The following DOCK6 variants were observed in gnomAD, a reference collection of about 807,000 sequenced individuals.
DOCK6 encodes dedicator of cytokinesis 6, also known as dedicator of cytokinesis protein 6.
In DOCK6, 167 loss-of-function variants were observed where a neutral mutation model predicts 230.3. That is an observed-to-expected ratio of 0.73 (90% CI 0.64 to 0.82). The LOEUF (loss-of-function observed/expected upper bound fraction) is 0.82, where lower values mean the gene tolerates loss of function less well. DOCK6 is among the 40% of genes least tolerant of loss of function. DOCK6 has a pLI of 0.00. For missense variants in DOCK6, 2,598 were observed against 2,825.8 expected, an observed-to-expected ratio of 0.92 and a Z score of 1.83; for synonymous variants, 1,148 against 1,185.0, an observed-to-expected ratio of 0.97 and a Z score of 0.64.
At chr19:11,218,267 C>T (rs1224840911) in intron 28 of DOCK6, among the ~76,000 whole-genome samples, 1 of 152,110 alleles carries the variant, frequency 6.6e-6, no homozygotes, top group African/African-American at 2.4e-5. Flanking sequence ...GTGCCTCAGC[C>T]TCCCGAGTAG....
chr19:11,207,433 T>C (rs2079280879), intron 39 of DOCK6, among the ~76,000 whole-genome samples: 3 of 151,650 alleles, frequency 2.0e-5, no homozygotes, highest in African/African-American at 7.3e-5. Flanking sequence ...TGGCCTCAAG[T>C]GATCCTCCTG....
At position 11,228,867 on chromosome 19, in the gene DOCK6, G is replaced by T; in HGVS notation, c.2814+73C>A. 3 of 1,456,904 alleles carry T rather than the reference G, an allele frequency of 2.1e-6. No individual in the cohort carries two copies. The Admixed American group carries it at 5.3e-5, about 26-fold the overall frequency. The allele number at this position is 1,456,904 out of a possible 1,614,324, so 90.2% of individuals were successfully genotyped here. A position where few individuals can be genotyped will look rare whatever the true frequency, so the allele number is the denominator to read the frequency against. On this transcript the variant is annotated intron_variant, in intron 23 of 47. Coordinates refer to ENST00000294618, the MANE Select transcript of DOCK6 (RefSeq NM_020812.4). ...GTGAGCCACTATGCCTGGCCAGGGG[G>T]CTTCTCTCTTTAAAAAAGGAAGGGG...
chr19:11,219,009 G>C (rs1600883163), intron 28 of DOCK6, among the ~76,000 whole-genome samples: 1 of 148,590 alleles, frequency 6.7e-6, no homozygotes, highest in Non-Finnish European at 1.5e-5. Context: ...CTCCCAAGTA[G>C]CTGGGACTGC....
chr19:11,209,758 A>C (rs1475491511), intron 37 of DOCK6, among the ~76,000 whole-genome samples: 2 of 24,156 alleles, frequency 8.3e-5, no homozygotes, highest in African/African-American at 1.9e-4. Context: ...TCACCTGTCC[A>C]CCCCCTCACT....
chr19:11,239,938 G>C, intron 14 of DOCK6: 1 of 1,577,994 alleles, frequency 6.3e-7, no homozygotes, highest in South Asian at 1.2e-5. Flanking sequence ...GACTCAGGTG[G>C]GCACCGTAGC....
In DOCK6 at chr19:11,222,194, G is replaced by A; in HGVS notation, c.3295C>T (p.Leu1099=). 6.2e-7 allele frequency: 1 copy of A among 1,607,464 alleles called. No individual in the cohort carries two copies. Among genetic ancestry groups the A allele is most frequent in the South Asian group, 1.1e-5 (1 of 89,658 alleles). ...TGCTGCTGCCGGAATGGTCCACTCA[G>A]TTCGAACATGCTGGTCACCTTGGGG... The part of the protein sequence containing the change: ...PDPKVTSMFE[L]SGPFRQQHFL... Residue 1099 remains leucine (L), a synonymous_variant, in exon 27 of 48, where the codon CTG becomes TTG. Transcript: ENST00000294618. The surrounding 1 kb of genome is among the most constrained non-coding windows in gnomAD (Gnocchi z 4.0).
intron 35 of DOCK6, among the ~76,000 whole-genome samples, chr19:11,212,561 C>CTTTTT (rs1363586266): frequency 6.0e-5 from 6 of 100,094 alleles, no homozygotes; most frequent in African/African-American, 2.0e-4. Context: ...TTCTTTCTTT[C>CTTTTT]TTTCTTTTTT....
chr19:11,212,228 C>T lies in DOCK6; in HGVS notation c.4492-77G>A, dbSNP rs190832238. On this transcript the variant is annotated intron_variant, in intron 35 of 47. Transcript: ENST00000294618. The stretch of plus-strand genomic sequence containing the variant: ...CCACATCAGAGTCTGCTCAACCTGC[C>T]GACATGGCCCTTGCGTTCTTTATTT... 1.5e-5 allele frequency: 22 copies of T among 1,506,164 alleles called. No homozygotes were observed. In the East Asian group the frequency reaches 2.5e-4, roughly 17 times the overall value. 93.3% of individuals were successfully genotyped at this position (1,506,164 alleles called of 1,614,324 possible). A position where few individuals can be genotyped will look rare whatever the true frequency, so the allele number is the denominator to read the frequency against.
At position 11,200,163 on chromosome 19, in the gene DOCK6, A is replaced by C. The variant is rs979116419; in HGVS notation, c.6101+145T>G. On this transcript the variant is annotated intron_variant, in intron 47 of 47. Transcript: ENST00000294618. The surrounding 1 kb of genome is among the most constrained non-coding windows in gnomAD (Gnocchi z 4.3). ...GAGAGTCTCTCAAAAAAAAAAACAA[A>C]AAAAAAACCGGAAACAAAACAAAGT... is the stretch of plus-strand genomic sequence containing the variant. 110 of 922,652 alleles carry C rather than the reference A, an allele frequency of 1.2e-4. No individual in the cohort carries two copies. Among genetic ancestry groups the C allele is most frequent in the Non-Finnish European group, 1.5e-4 (97 of 643,550 alleles). 57.2% of individuals were successfully genotyped at this position (922,652 alleles called of 1,614,324 possible). A position where few individuals can be genotyped will look rare whatever the true frequency, so the allele number is the denominator to read the frequency against.
chr19:11,252,759 G>A, intron 3 of DOCK6, 24 bp downstream of exon 3: 1 of 1,598,886 alleles, frequency 6.3e-7, no homozygotes, highest in Non-Finnish European at 8.5e-7. Context: ...ATCACAGGCA[G>A]AGAGGGCGTG....
At position 11,201,848 on chromosome 19, in the gene DOCK6, CT is replaced by C; in HGVS notation, c.5688+40del. ...CTCCCCTCCCAGGGTCTGATGTCCCCTCACCTCCCCACCCCCGCCAGGCCCA... is the reference window on the plus strand; with the variant it reads ...CTCCCCTCCCAGGGTCTGATGTCCCCCACCTCCCCACCCCCGCCAGGCCCA... On this transcript the variant is annotated intron_variant, in intron 44 of 47. Transcript: ENST00000294618. This position sits in a 1 kb window ranked among gnomAD's most constrained non-coding sequence, Gnocchi z 4.3. 2.1e-6 allele frequency: 3 copies of C among 1,452,548 alleles called. No homozygotes were observed. Among genetic ancestry groups the C allele is most frequent in the African/African-American group, 1.4e-5 (1 of 71,300 alleles). 90.0% of individuals were successfully genotyped at this position (1,452,548 alleles called of 1,614,324 possible). A position where few individuals can be genotyped will look rare whatever the true frequency, so the allele number is the denominator to read the frequency against.
intron 41 of DOCK6, chr19:11,203,680 G>A (rs900237966): frequency 8.2e-6 from 2 of 242,580 alleles, no homozygotes; most frequent in Non-Finnish European, 1.6e-5. Flanking sequence ...AGCTGGGTAC[G>A]CAGGGAGAGA....
intron 29 of DOCK6, 49 bp downstream of exon 29, chr19:11,217,182 C>G: frequency 6.2e-7 from 1 of 1,600,608 alleles, no homozygotes; most frequent in African/African-American, 1.3e-5. Context: ...TACATGACTT[C>G]TCTCATTCAA....
rs2080139575 is a variant in DOCK6 at position 11,252,829 on chromosome 19, G to C, written c.262C>G (p.Gln88Glu). The C allele has an allele frequency of 5.6e-6, 9 of 1,613,532 alleles. No homozygotes were observed. The highest frequency in any genetic ancestry group is 7.6e-6 in the Non-Finnish European group (9 of 1,179,670). ...FPADDLELLL[Q>E]PRECRTTEPG... ...TCCGTGGTCCGGCATTCCCGGGGCT[G>C]CAGCAGCAGCTCCAAGTCATCAGCT... The change falls in exon 3 of 48, where the codon CAG (glutamine) becomes GAG (glutamate). Residue 88 changes from glutamine (Q) to glutamate (E), a missense_variant. Transcript: ENST00000294618.
chr19:11,260,164 C>T (rs538072489), intron 1 of DOCK6, among the ~76,000 whole-genome samples: 1 of 152,252 alleles, frequency 6.6e-6, no homozygotes, highest in East Asian at 1.9e-4. Flanking sequence ...GCCACTCCCT[C>T]ACAGTTCACT....
chr19:11,215,495 A>G, intron 31 of DOCK6, 24 bp from the exon 32 acceptor site: 1 of 1,598,884 alleles, frequency 6.3e-7, no homozygotes, highest in Admixed American at 1.7e-5. Context: ...GTGCACGATC[A>G]CAGATGCGTA....
rs368626834 is a variant in DOCK6 at position 11,225,780 on chromosome 19, C to T, written c.2955+1557G>A. ...CAGGCATGGTTCACGCTTGTAATCC[C>T]GGCACTTTGGGAAGCCAAAGTGGGA... On this transcript the variant is annotated intron_variant, in intron 24 of 47. Coordinates refer to ENST00000294618, the MANE Select transcript of DOCK6 (RefSeq NM_020812.4). Among the ~76,000 whole-genome samples the T allele has an allele frequency of 6.6e-5, 10 of 151,414 alleles. No homozygotes were observed. In the East Asian group the frequency reaches 1.4e-3, roughly 21 times the overall value.
At chr19:11,241,554 G>C in intron 14 of DOCK6, 2 of 1,553,734 alleles carry the variant, frequency 1.3e-6, no homozygotes, top group Non-Finnish European at 1.7e-6. Context: ...ATCCAGGAGA[G>C]GTGAGCCTGG....
At position 11,222,760 on chromosome 19, in the gene DOCK6, G is replaced by T. The variant is rs756078739; in HGVS notation, c.3215C>A (p.Pro1072His). 8.9e-6 allele frequency: 14 copies of T among 1,578,940 alleles called. No individual in the cohort carries two copies. The highest frequency in any genetic ancestry group is 1.2e-5 in the Non-Finnish European group (14 of 1,162,558). Residue 1072 changes from proline to histidine, a missense_variant, in exon 26 of 48, where the codon CCC (proline) becomes CAC (histidine). Coordinates refer to ENST00000294618, the MANE Select transcript of DOCK6 (RefSeq NM_020812.4). This position sits in a 1 kb window ranked among gnomAD's most constrained non-coding sequence, Gnocchi z 4.0. Reference sequence around the variant, plus strand: ...CTGGGAGGTGGTGGAGGACACAGAGGGGGAGGGCGAGGCTGGAGGTGACAG... The same window carrying T: ...CTGGGAGGTGGTGGAGGACACAGAGTGGGAGGGCGAGGCTGGAGGTGACAG... ...CPLSPPASPS[P>H]SVSSTTSQSS...
Sources: allele counts gnomAD v4.1 joint callset (sites outside exome capture counted in the v4.1 genomes callset), GRCh38; gene constraint gnomAD v4.1.1; non-coding constraint Gnocchi (gnomAD v3.1); transcripts MANE v1.5; gene names NCBI Gene and HGNC (gene_info 2026-07-23, HGNC 2026-07-21).